DZIP1L: variants seen among roughly 807,000 people sequenced by gnomAD.
DZIP1L encodes DAZ interacting zinc finger protein 1 like, also known as cilium assembly protein DZIP1L.
A neutral mutation model predicts 88.7 loss-of-function variants in DZIP1L; 90 were observed. The observed-to-expected ratio is 1.02, with a 90% CI of 0.86 to 1.21. The LOEUF (loss-of-function observed/expected upper bound fraction) is 1.21, where lower values mean the gene tolerates loss of function less well. Among genes scored for constraint, DZIP1L ranks in the 50% most tolerant of loss-of-function variants. DZIP1L has a pLI of 0.00. For missense variants in DZIP1L, 932 were observed against 955.8 expected (o/e 0.98, Z 0.33); for synonymous variants, 363 against 372.1 (o/e 0.98, Z 0.28).
At chr3:138,082,642 T>C (rs1943717438) in intron 8 of DZIP1L, among the ~76,000 whole-genome samples, 1 of 152,242 alleles carries the variant, frequency 6.6e-6, no homozygotes. Flanking sequence ...CTCTTCTACT[T>C]AAGCTTCGGT....
chr3:138,071,307 C>G (rs1367842033), intron 12 of DZIP1L, among the ~76,000 whole-genome samples: 5 of 152,182 alleles, frequency 3.3e-5, no homozygotes, highest in African/African-American at 1.2e-4. Context: ...AAGAGACACT[C>G]AACTGTGGTC....
In DZIP1L at chr3:138,067,026, C is replaced by A. The variant is rs562954856; in HGVS notation, c.2002+505G>T. 9.4e-4 allele frequency among the ~76,000 whole-genome samples: 143 copies of A among 152,294 alleles called. 3 individuals carry two copies. The highest frequency in any genetic ancestry group is 8.5e-3 in the South Asian group (41 of 4,826). On this transcript the variant is annotated intron_variant, in intron 14 of 15. Coordinates refer to ENST00000327532, the MANE Select transcript of DZIP1L (RefSeq NM_173543.3). ...ACACTCAGGGTCTTCTTTGCAAACC[C>A]AGCCCTGCACACAAGTAAGATTGGG...
chr3:138,076,311 G>A (rs1943404197), intron 11 of DZIP1L, among the ~76,000 whole-genome samples: 1 of 152,216 alleles, frequency 6.6e-6, no homozygotes, highest in Non-Finnish European at 1.5e-5. Flanking sequence ...TACACTGTTG[G>A]TGGGAATGTA....
intron 9 of DZIP1L, 57 bp downstream of exon 9, chr3:138,081,677 A>C (rs1943659307): frequency 6.4e-7 from 1 of 1,553,376 alleles, no homozygotes; most frequent in Non-Finnish European, 8.7e-7. Flanking sequence ...AAAAGGAGGG[A>C]GAAAAGCCAG....
chr3:138,067,630 T>G lies in DZIP1L; in HGVS notation c.1903A>C (p.Lys635Gln). The G allele has an allele frequency of 6.2e-7, 1 of 1,611,376 alleles. No individual in the cohort carries two copies. The highest frequency in any genetic ancestry group is 8.5e-7 in the Non-Finnish European group (1 of 1,178,718). Residue 635 changes from lysine to glutamine, a missense_variant, in exon 14 of 16, where the codon AAA becomes CAA. Coordinates refer to ENST00000327532, the MANE Select transcript of DZIP1L (RefSeq NM_173543.3). ...RVQRVSLQPP[K>Q]VPSRMVPRPK... ...CGGGGCACCATCCTGGAAGGAACTT[T>G]TGGGGGCTGTAGAGACACACGCTGC...
chr3:138,073,775 C>T (rs1432874157), intron 11 of DZIP1L, among the ~76,000 whole-genome samples: 1 of 151,660 alleles, frequency 6.6e-6, no homozygotes, highest in African/African-American at 2.4e-5. Context: ...CAAGGAGGGA[C>T]CAAAGAAAGG....
intron 11 of DZIP1L, among the ~76,000 whole-genome samples, chr3:138,074,751 G>A (rs1407745632): frequency 1.3e-5 from 2 of 148,328 alleles, no homozygotes; most frequent in Non-Finnish European, 3.0e-5. Flanking sequence ...AAAAGGCAAG[G>A]TATTCAGGCA....
intron 2 of DZIP1L, among the ~76,000 whole-genome samples, chr3:138,099,606 G>A (rs1944633182): frequency 6.6e-6 from 1 of 152,166 alleles, no homozygotes; most frequent in Non-Finnish European, 1.5e-5. Context: ...GAGAGGTGGG[G>A]CCCAGTGGGA....
intron 13 of DZIP1L, 113 bp downstream of exon 13, chr3:138,068,038 A>G: frequency 1.0e-6 from 1 of 974,086 alleles, no homozygotes. Flanking sequence ...TTCTATTCAC[A>G]TGTGTCTGCC....
At chr3:138,072,295 G>A (rs1943218269) in intron 11 of DZIP1L, among the ~76,000 whole-genome samples, 1 of 152,132 alleles carries the variant, frequency 6.6e-6, no homozygotes, top group South Asian at 2.1e-4. Flanking sequence ...AAGACCTATT[G>A]GAAGTTGCTC....
intron 6 of DZIP1L, 53 bp from the exon 7 acceptor site, chr3:138,087,076 T>G: frequency 6.4e-7 from 1 of 1,569,306 alleles, no homozygotes; most frequent in Non-Finnish European, 8.7e-7. Context: ...TTAAAACATG[T>G]TATAAAGCTA....
At chr3:138,079,313 C>G (rs2724697) in intron 10 of DZIP1L, among the ~76,000 whole-genome samples, 1 of 151,972 alleles carries the variant, frequency 6.6e-6, no homozygotes, top group Non-Finnish European at 1.5e-5. Context: ...AAAAGTGATA[C>G]GCAATTCTAA....
Position 138,084,328 on chromosome 3 carries a change from ACC to A in DZIP1L, c.1063-77_1063-76del. The A allele has an allele frequency of 4.6e-6, 7 of 1,533,708 alleles. 1 individual carries two copies. Among genetic ancestry groups the A allele is most frequent in the South Asian group, 3.8e-5 (3 of 78,838 alleles). ...AGTGCCTGGTGTCTGCAGGCTCAGC[ACC>A]TGTAGGCAAGTGCCAGGCAAGCACA... On this transcript the variant is annotated intron_variant, in intron 7 of 15. Transcript: ENST00000327532.
At chr3:138,079,913 GCACT>G (rs1943569715) in intron 10 of DZIP1L, among the ~76,000 whole-genome samples, 2 of 152,168 alleles carry the variant, frequency 1.3e-5, no homozygotes, top group African/African-American at 2.4e-5. Context: ...TTTCCAGTCA[GCACT>G]CACTCATCTG....
chr3:138,109,847 A>T (rs1204891715), intron 1 of DZIP1L, among the ~76,000 whole-genome samples: 1 of 152,210 alleles, frequency 6.6e-6, no homozygotes, highest in African/African-American at 2.4e-5. Flanking sequence ...TTCTCAGCAA[A>T]TTAACACAGG....
At chr3:138,083,766 C>A (rs1164021062) in intron 8 of DZIP1L, among the ~76,000 whole-genome samples, 1 of 152,088 alleles carries the variant, frequency 6.6e-6, no homozygotes, top group Admixed American at 6.5e-5. Flanking sequence ...CACCATCTGT[C>A]GAATGAAGAT....
In DZIP1L at chr3:138,103,755, T is replaced by C. The variant is rs2042396560; in HGVS notation, c.217A>G (p.Ser73Gly). ...GGGTCCACAGGCTGCCCACAGCGGC[T>C]GCACACCTCCCGGTCCAAGTTGCAG... The part of the protein sequence containing the change: ...TFCNLDREVC[S>G]RCGQPVDPAL... Residue 73 changes from serine to glycine, a missense_variant, in exon 2 of 16, where the codon AGC (serine) becomes GGC (glycine). Coordinates refer to ENST00000327532, the MANE Select transcript of DZIP1L (RefSeq NM_173543.3). 3.7e-6 allele frequency: 6 copies of C among 1,613,982 alleles called. No individual in the cohort carries two copies. The highest frequency in any genetic ancestry group is 5.1e-6 in the Non-Finnish European group (6 of 1,180,034).
intron 2 of DZIP1L, among the ~76,000 whole-genome samples, chr3:138,100,827 A>C (rs780860033): frequency 6.6e-6 from 1 of 152,178 alleles, no homozygotes; most frequent in Non-Finnish European, 1.5e-5. Flanking sequence ...CCACCATGAC[A>C]ATTTTTATTA....
At chr3:138,111,949 C>CA (rs2042627384) in intron 1 of DZIP1L, among the ~76,000 whole-genome samples, 1 of 150,350 alleles carries the variant, frequency 6.7e-6, no homozygotes, top group African/African-American at 2.5e-5. Context: ...CAGCCGTGAG[C>CA]AGAGACTGTG....
Sources: allele counts gnomAD v4.1 joint callset (sites outside exome capture counted in the v4.1 genomes callset), GRCh38; gene constraint gnomAD v4.1.1; transcripts MANE v1.5; gene names NCBI Gene and HGNC (gene_info 2026-07-23, HGNC 2026-07-21).